Variants in DAB1 observed in about 807,000 individuals in gnomAD.
DAB1 encodes disabled homolog 1.
DAB1 carries 15 observed loss-of-function variants against 64.6 expected under a neutral mutation model. That is an observed-to-expected ratio of 0.23 (90% CI 0.16 to 0.36). The LOEUF (loss-of-function observed/expected upper bound fraction) is 0.36, where lower values mean the gene tolerates loss of function less well. Ranked by LOEUF, DAB1 falls within the 10% of genes least tolerant of loss-of-function variation. DAB1 has a pLI of 1.00. For synonymous variants in DAB1, 235 were observed against 251.9 expected (o/e 0.93, Z 0.64); for missense variants, 596 against 706.7 (o/e 0.84, Z 1.78).
intron 6 of DAB1, among the ~76,000 whole-genome samples, chr1:57,810,875 A>T (rs761722297): frequency 1.3e-5 from 2 of 152,238 alleles, no homozygotes; most frequent in Non-Finnish European, 1.5e-5. Flanking sequence ...TGTAGACCAT[A>T]GGTCTGAACT....
At chr1:57,329,398 T>A (rs1676454447) in intron 1 of DAB1, among the ~76,000 whole-genome samples, 1 of 152,222 alleles carries the variant, frequency 6.6e-6, no homozygotes. Context: ...TTGGTAGATA[T>A]GCTTTTATTG....
chr1:57,336,158 C>T (rs943742647), intron 1 of DAB1, among the ~76,000 whole-genome samples: 1 of 152,090 alleles, frequency 6.6e-6, no homozygotes, highest in Non-Finnish European at 1.5e-5. Context: ...ATTTTTTTCT[C>T]CACATTTTTC....
At chr1:57,147,403 G>T (rs1659249994) in intron 2 of DAB1, among the ~76,000 whole-genome samples, 1 of 151,878 alleles carries the variant, frequency 6.6e-6, no homozygotes, top group Non-Finnish European at 1.5e-5. Context: ...TCCAGCCACA[G>T]GTCTGGACCT....
At chr1:58,527,767 T>TA (rs35093379) in intron 1 of DAB1, among the ~76,000 whole-genome samples, 17,701 of 152,220 alleles carry the variant, frequency 0.12, 1,229 homozygotes, top group African/African-American at 0.18. Flanking sequence ...TTTATTTCAG[T>TA]AAAAAAATTA....
intron 6 of DAB1, among the ~76,000 whole-genome samples, chr1:57,756,602 A>G (rs1184075420): frequency 1.3e-5 from 2 of 152,102 alleles, no homozygotes; most frequent in Non-Finnish European, 2.9e-5. Context: ...GGTCACCTTG[A>G]GGAGAATAAA....
At chr1:57,434,033 C>T (rs1685605950) in intron 7 of DAB1, among the ~76,000 whole-genome samples, 1 of 152,050 alleles carries the variant, frequency 6.6e-6, no homozygotes, top group African/African-American at 2.4e-5. Context: ...TTATACAATG[C>T]TAGTACAAGT....
At chr1:57,159,329 T>C (rs899067178) in intron 2 of DAB1, among the ~76,000 whole-genome samples, 9 of 152,210 alleles carry the variant, frequency 5.9e-5, no homozygotes, top group Admixed American at 1.3e-4. Context: ...GCAGTGTCTC[T>C]TGAAGCACCA....
intron 7 of DAB1, among the ~76,000 whole-genome samples, chr1:57,631,099 A>G (rs1051113237): frequency 2.0e-5 from 3 of 152,198 alleles, no homozygotes; most frequent in African/African-American, 7.2e-5. Flanking sequence ...ATGTAGACTT[A>G]TCAAATATAT....
chr1:58,364,227 G>A (rs935859209), intron 3 of DAB1, among the ~76,000 whole-genome samples: 6 of 152,234 alleles, frequency 3.9e-5, no homozygotes, highest in African/African-American at 9.7e-5. Flanking sequence ...ATACCTGTAA[G>A]GAGGTGTGAA....
intron 6 of DAB1, among the ~76,000 whole-genome samples, chr1:57,668,712 A>C (rs1646476386): frequency 6.6e-6 from 1 of 152,088 alleles, no homozygotes; most frequent in Non-Finnish European, 1.5e-5. Flanking sequence ...GTTAAGACAA[A>C]AGGACACTCT....
rs145638933 is a variant in DAB1, at chr1:57,720,946, G to A, written n.552-71281C>T. Among the ~76,000 whole-genome samples the A allele has an allele frequency of 9.7e-4, 148 of 152,336 alleles. No homozygotes were observed. The Middle Eastern group carries it at 0.01, about 11-fold the overall frequency. On this transcript the variant is annotated intron_variant and non_coding_transcript_variant, in intron 6 of 20. Coordinates refer to the DAB1 transcript ENST00000485760. ...CCCTGGGCCAGGCTCAGAGGGTCCT[G>A]ATTAGCATATGCCATCTCCCTTAAA...
At chr1:57,704,419 A>C (rs549258577) in intron 6 of DAB1, among the ~76,000 whole-genome samples, 21 of 152,274 alleles carry the variant, frequency 1.4e-4, no homozygotes, top group African/African-American at 5.1e-4. Flanking sequence ...TTTGTGATGC[A>C]AATTATAGCA....
intron 4 of DAB1, among the ~76,000 whole-genome samples, chr1:58,226,302 C>T (rs1327037192): frequency 6.6e-6 from 1 of 151,902 alleles, no homozygotes; most frequent in East Asian, 1.9e-4. Flanking sequence ...CTTTGTAGCA[C>T]ACTTTTTAGT....
chr1:57,453,029 G>A (rs1303992708), intron 7 of DAB1, among the ~76,000 whole-genome samples: 1 of 151,704 alleles, frequency 6.6e-6, no homozygotes, highest in Non-Finnish European at 1.5e-5. Context: ...AAGGAGAGAA[G>A]GAAGAATATT....
intron 9 of DAB1, among the ~76,000 whole-genome samples, chr1:57,051,476 A>G (rs1367399701): frequency 2.0e-5 from 3 of 152,222 alleles, no homozygotes; most frequent in Non-Finnish European, 4.4e-5. Context: ...ACAGTTGTCC[A>G]GAGAATTCTT....
rs7553964 is a variant in DAB1, at chr1:58,395,930, G to A, written n.258-52527C>T. 3.8e-3 allele frequency among the ~76,000 whole-genome samples: 580 copies of A among 152,230 alleles called. 3 individuals carry two copies. Among genetic ancestry groups the A allele is most frequent in the African/African-American group, 0.014 (569 of 41,538 alleles). Reference sequence around the variant, plus strand: ...AGCTGCCTTGCCTAGAATTGATTACGGTTGTTATTCTCCCTAGTTTACACA... The same window carrying A: ...AGCTGCCTTGCCTAGAATTGATTACAGTTGTTATTCTCCCTAGTTTACACA... On this transcript the variant is annotated intron_variant and non_coding_transcript_variant, in intron 3 of 20. Coordinates refer to the DAB1 transcript ENST00000485760.
chr1:58,163,928 C>T (rs1462351659), intron 4 of DAB1, among the ~76,000 whole-genome samples: 3 of 152,078 alleles, frequency 2.0e-5, no homozygotes, highest in Non-Finnish European at 2.9e-5. Flanking sequence ...TTGAAAAATA[C>T]CCAAACTTTT....
intron 7 of DAB1, among the ~76,000 whole-genome samples, chr1:57,454,618 C>T (rs192539057): frequency 6.6e-6 from 1 of 152,002 alleles, no homozygotes; most frequent in Non-Finnish European, 1.5e-5. Context: ...ACGAGTTTAC[C>T]TATTTAACAA....
chr1:57,157,010 G>A (rs1035084043), intron 2 of DAB1, among the ~76,000 whole-genome samples: 10 of 152,194 alleles, frequency 6.6e-5, no homozygotes, highest in African/African-American at 1.7e-4. Context: ...GTCAGGATCC[G>A]AAGGAGGAAG....
Sources: gnomAD v4.1 joint callset for allele counts (sites outside exome capture counted in the v4.1 genomes callset) on GRCh38, gnomAD v4.1.1 for gene constraint, MANE v1.5 for transcripts, NCBI Gene and HGNC (gene_info 2026-07-23, HGNC 2026-07-21) for gene names.